CFAP46: variants seen among roughly 807,000 people sequenced by gnomAD.
CFAP46 encodes cilia and flagella associated protein 46.
A neutral mutation model predicts 325.7 loss-of-function variants in CFAP46; 245 were observed. The ratio of observed to expected loss-of-function variants is 0.75; its 90% CI spans 0.68 to 0.84. The LOEUF (loss-of-function observed/expected upper bound fraction) is 0.84, where lower values mean the gene tolerates loss of function less well. Ranked by LOEUF, CFAP46 falls within the 40% of genes least tolerant of loss-of-function variation. The pLI is 0.00. For synonymous variants in CFAP46, 1,523 were observed against 1,495.9 expected, an observed-to-expected ratio of 1.02 and a Z score of -0.42; for missense variants, 3,346 against 3,543.0, an observed-to-expected ratio of 0.94 and a Z score of 1.41.
intron 37 of CFAP46, among the ~76,000 whole-genome samples, chr10:132,859,605 T>TG (rs1284946507): frequency 6.6e-6 from 1 of 151,970 alleles, no homozygotes; most frequent in East Asian, 1.9e-4. Context: ...ACGCTGCAGC[T>TG]GGGGGGCCCA....
chr10:132,930,861 C>T lies in CFAP46; in HGVS notation c.867-1057G>A, dbSNP rs542253816. On this transcript the variant is annotated intron_variant, in intron 8 of 57. Coordinates refer to ENST00000368586, the MANE Select transcript of CFAP46 (RefSeq NM_001200049.3). ...CACACTCCTCACACAGAGCCTGGGC[C>T]TTCCCCACACTCCCCACGCAGAGCC... is the stretch of plus-strand genomic sequence containing the variant. 8.5e-4 allele frequency among the ~76,000 whole-genome samples: 79 copies of T among 93,266 alleles called. 2 individuals carry two copies. The highest frequency in any genetic ancestry group is 3.6e-3 in the African/African-American group (75 of 20,554). The allele number at this position is 93,266 out of a possible 152,430, so 61.2% of individuals were successfully genotyped here.
chr10:132,925,333 C>T (rs1481194818), intron 10 of CFAP46, among the ~76,000 whole-genome samples: 2 of 152,264 alleles, frequency 1.3e-5, no homozygotes, highest in Non-Finnish European at 2.9e-5. Flanking sequence ...GACCGCCCAC[C>T]GTCCTGGGCT....
chr10:132,929,759 T>C lies in CFAP46; in HGVS notation c.912A>G (p.Lys304=). 1 of 1,612,782 alleles carries C rather than the reference T, an allele frequency of 6.2e-7. No individual in the cohort carries two copies. The change falls in exon 9 of 58, where the codon AAA becomes AAG. Residue 304 remains lysine (K), a synonymous_variant. Coordinates refer to ENST00000368586, the MANE Select transcript of CFAP46 (RefSeq NM_001200049.3). Reference sequence around the variant, plus strand: ...GGCAGGCAGAGGAGATCTCCATGCATTTCAAGGTCAAGGAAAAACGCGCCA... The same window carrying C: ...GGCAGGCAGAGGAGATCTCCATGCACTTCAAGGTCAAGGAAAAACGCGCCA... The part of the protein sequence containing the change: ...FELARFSLTL[K]CMEISSACLS...
chr10:132,935,131 G>A (rs112553614), intron 7 of CFAP46, among the ~76,000 whole-genome samples: 17 of 152,174 alleles, frequency 1.1e-4, no homozygotes, highest in African/African-American at 2.9e-4. Flanking sequence ...CCCCACATAG[G>A]AGCCAAACAC....
chr10:132,822,457 G>A (rs1370880743), intron 50 of CFAP46, among the ~76,000 whole-genome samples: 1 of 145,048 alleles, frequency 6.9e-6, no homozygotes, highest in Non-Finnish European at 1.5e-5. Context: ...GATGTGTGCT[G>A]TGTGAGTGCT....
At chr10:132,821,900 T>C (rs1847846570) in intron 50 of CFAP46, among the ~76,000 whole-genome samples, 2 of 145,132 alleles carry the variant, frequency 1.4e-5, no homozygotes, top group Non-Finnish European at 3.0e-5. Flanking sequence ...ATGTGTGTTG[T>C]GTGAGTGCTG....
chr10:132,857,905 T>A, intron 38 of CFAP46, 117 bp from the exon 39 acceptor site: 1 of 920,242 alleles, frequency 1.1e-6, no homozygotes, highest in Non-Finnish European at 1.6e-6. Context: ...TGTTTTAAAA[T>A]AGCTAACATG....
intron 50 of CFAP46, among the ~76,000 whole-genome samples, chr10:132,823,970 CTAA>C (rs550980882): frequency 0.018 from 2,100 of 114,020 alleles, 59 homozygotes; most frequent in Non-Finnish European, 0.023. Context: ...TGTGTGAGTG[CTAA>C]TGTGTGCTGT....
intron 4 of CFAP46, 138 bp from the exon 5 acceptor site, chr10:132,938,891 A>G: frequency 2.8e-6 from 2 of 716,198 alleles, no homozygotes; most frequent in Non-Finnish European, 4.5e-6. Context: ...CAGCAGCCCC[A>G]CCTGAGAAGC....
intron 7 of CFAP46, among the ~76,000 whole-genome samples, chr10:132,935,107 C>T (rs1441203811): frequency 1.3e-5 from 2 of 152,098 alleles, no homozygotes; most frequent in African/African-American, 2.4e-5. Context: ...CCAGACCCCT[C>T]GCCAGAGTCA....
At chr10:132,810,008 C>A (rs1282794364) in intron 57 of CFAP46, among the ~76,000 whole-genome samples, 1 of 152,180 alleles carries the variant, frequency 6.6e-6, no homozygotes, top group Non-Finnish European at 1.5e-5. Context: ...CTGTCGGCCC[C>A]CTAGGAGTCC....
intron 37 of CFAP46, among the ~76,000 whole-genome samples, chr10:132,859,500 C>T (rs1342747060): frequency 4.6e-5 from 7 of 151,700 alleles, no homozygotes; most frequent in Admixed American, 3.9e-4. Flanking sequence ...ACTTGACTCA[C>T]TAGTGGAACA....
rs371835813 is a variant in CFAP46, at chr10:132,813,953, A to G, written c.7388+199T>C. 3.9e-5 allele frequency among the ~76,000 whole-genome samples: 6 copies of G among 152,324 alleles called. No individual in the cohort carries two copies. In the East Asian group the frequency reaches 7.7e-4, roughly 20 times the overall value. On this transcript the variant is annotated intron_variant, in intron 54 of 57. Transcript: ENST00000368586. ...GTGACCCTGGGGGCCCCAGGTCGCC[A>G]TCTGTAAAGCAGGGTAACAGTGCCC... is the stretch of plus-strand genomic sequence containing the variant.
chr10:132,859,253 G>A lies in CFAP46; in HGVS notation c.5199-6C>T, dbSNP rs1207853009. 8 of 1,545,714 alleles carry A rather than the reference G, an allele frequency of 5.2e-6. No individual in the cohort carries two copies. The East Asian group carries it at 1.5e-4, about 28-fold the overall frequency. ...TGACCCGCAGGCTCAGGCACCTGAC[G>A]GAGGGACGGTTTGGGGCCTGGAGTC... is the stretch of plus-strand genomic sequence containing the variant. On this transcript the variant is annotated splice_region_variant and splice_polypyrimidine_tract_variant and intron_variant, in intron 37 of 57. Coordinates refer to ENST00000368586, the MANE Select transcript of CFAP46 (RefSeq NM_001200049.3).
rs1848083865 is a variant in CFAP46 at position 132,827,809 on chromosome 10, C to T, written c.7117+5549G>A. Among the ~76,000 whole-genome samples, 1 of 150,932 alleles carries T rather than the reference C, an allele frequency of 6.6e-6. No homozygotes were observed. The highest frequency in any genetic ancestry group is 1.5e-5 in the Non-Finnish European group (1 of 67,774). Reference sequence around the variant, plus strand: ...GCCCCCACCCCCAGGAAGCAACTTACCTGCCTTCTGACTTGTACATTGGTT... The same window carrying T: ...GCCCCCACCCCCAGGAAGCAACTTATCTGCCTTCTGACTTGTACATTGGTT... On this transcript the variant is annotated intron_variant, in intron 50 of 57. Coordinates refer to ENST00000368586, the MANE Select transcript of CFAP46 (RefSeq NM_001200049.3). The surrounding 1 kb of genome is among the most constrained non-coding windows in gnomAD (Gnocchi z 5.7).
Position 132,852,901 on chromosome 10 carries a change from T to G in CFAP46, c.5575-1596A>C, listed in dbSNP as rs117185606. ...TACAACTGATATCTGCATATTGTTC[T>G]TATATCCTGCAACCTTACAAAACTC... On this transcript the variant is annotated intron_variant, in intron 39 of 57. Transcript: ENST00000368586. Among the ~76,000 whole-genome samples, 967 of 152,382 alleles carry G rather than the reference T, an allele frequency of 6.3e-3. 10 individuals carry two copies. The highest frequency in any genetic ancestry group is 9.5e-3 in the Non-Finnish European group (649 of 68,042).
At position 132,910,004 on chromosome 10, in the gene CFAP46, G is replaced by A; in HGVS notation, c.2564C>T (p.Thr855Ile). 1 of 1,543,116 alleles carries A rather than the reference G, an allele frequency of 6.5e-7. No homozygotes were observed. The highest frequency in any genetic ancestry group is 1.2e-5 in the South Asian group (1 of 83,434). ...CCAGGTGGCGATAAGCTGCTGCCGG[G>A]TGCCGGTGGGCACCGTCTCCTCGGG... The part of the protein sequence containing the change: ...SAPEETVPTG[T>I]RQQLIATWVK... Residue 855 changes from threonine (T) to isoleucine (I), a missense_variant, in exon 20 of 58, where the codon ACC becomes ATC. Coordinates refer to ENST00000368586, the MANE Select transcript of CFAP46 (RefSeq NM_001200049.3).
At chr10:132,839,672 A>C (rs962493263) in intron 44 of CFAP46, among the ~76,000 whole-genome samples, 2 of 152,234 alleles carry the variant, frequency 1.3e-5, no homozygotes, top group African/African-American at 4.8e-5. Flanking sequence ...TTATTGGATT[A>C]AGGACATTTG....
Position 132,886,050 on chromosome 10 carries a change from T to G in CFAP46, c.3305-91A>C. 6.8e-7 allele frequency: 1 copy of G among 1,477,550 alleles called. No individual in the cohort carries two copies. The highest frequency in any genetic ancestry group is 9.1e-7 in the Non-Finnish European group (1 of 1,095,092). The allele number at this position is 1,477,550 out of a possible 1,614,324, so 91.5% of individuals were successfully genotyped here. A position where few individuals can be genotyped will look rare whatever the true frequency, so the allele number is the denominator to read the frequency against. On this transcript the variant is annotated intron_variant, in intron 25 of 57. Coordinates refer to ENST00000368586, the MANE Select transcript of CFAP46 (RefSeq NM_001200049.3). The surrounding 1 kb of genome is among the most constrained non-coding windows in gnomAD (Gnocchi z 5.8). ...TCCCAGACTAAGCTGCCCATCACAG[T>G]GCCCCTGAGGTGGAACCGCGGCTAC...
Sources: allele counts gnomAD v4.1 joint callset (sites outside exome capture counted in the v4.1 genomes callset), GRCh38; gene constraint gnomAD v4.1.1; non-coding constraint Gnocchi (gnomAD v3.1); transcripts MANE v1.5; gene names NCBI Gene and HGNC (gene_info 2026-07-23, HGNC 2026-07-21).